The following FGD1 variants were observed in gnomAD, a reference collection of about 807,000 sequenced individuals.
FGD1 encodes the protein FYVE, RhoGEF and PH domain containing 1.
A neutral mutation model predicts 65.0 loss-of-function variants in FGD1; 12 were observed. The ratio of observed to expected loss-of-function variants is 0.18; its 90% CI spans 0.12 to 0.30. FGD1 has a LOEUF of 0.30. Among genes scored for constraint, FGD1 ranks in the 10% least tolerant of loss-of-function variants. The pLI is 1.00. For missense variants in FGD1, 542 were observed against 837.6 expected (o/e 0.65, Z 4.36); for synonymous variants, 333 against 343.9 (o/e 0.97, Z 0.35).
intron 1 of FGD1, among the ~76,000 whole-genome samples, chrX:54,472,778 C>T (rs1252023974): frequency 9.0e-6 from 1 of 110,958 alleles, no homozygotes; most frequent in Admixed American, 9.7e-5. Context: ...CACAAAAACC[C>T]CTTGCATAGG....
chrX:54,476,545 T>A (rs1186895419), intron 1 of FGD1, among the ~76,000 whole-genome samples: 1 of 108,788 alleles, frequency 9.2e-6, no homozygotes, highest in African/African-American at 3.4e-5. Flanking sequence ...AGAGATGGGG[T>A]CCTTCTTTGT....
chrX:54,447,480 A>T (rs373086405), intron 16 of FGD1, 26 bp from the exon 17 acceptor site: 21 of 1,201,764 alleles, frequency 1.7e-5, no homozygotes, highest in Non-Finnish European at 2.4e-5. Context: ...CCGGGCATCA[A>T]TGTTGACAGA....
chrX:54,467,941 C>G lies in FGD1; in HGVS notation c.1192-9G>C. On this transcript the variant is annotated splice_polypyrimidine_tract_variant and intron_variant, in intron 5 of 17. Transcript: ENST00000375135. The stretch of plus-strand genomic sequence containing the variant: ...AGCCGGGCACAGAACACCTGTGGGG[C>G]AGGGCAGAAGCACTCAGCCCAGCTG... 5 of 1,174,691 alleles carry G rather than the reference C, an allele frequency of 4.3e-6. No individual in the cohort carries two copies. The South Asian group carries it at 9.4e-5, about 22-fold the overall frequency.
chrX:54,452,006 C>A (rs1449594309), intron 12 of FGD1, among the ~76,000 whole-genome samples: 2 of 110,343 alleles, frequency 1.8e-5, no homozygotes, highest in Non-Finnish European at 3.8e-5. Flanking sequence ...GTGGCTCATA[C>A]CTGTCATCTC....
At chrX:54,447,977 C>T (rs1922275581) in intron 16 of FGD1, among the ~76,000 whole-genome samples, 1 of 111,311 alleles carries the variant, frequency 9.0e-6, no homozygotes, top group Admixed American at 9.6e-5. Context: ...GTTCCTGGCA[C>T]AGAGTAAGTA....
intron 5 of FGD1, 144 bp from the exon 6 acceptor site, chrX:54,468,076 G>C (rs1321325771): frequency 1.1e-5 from 6 of 530,405 alleles, no homozygotes; most frequent in Non-Finnish European, 1.9e-5. Flanking sequence ...TGGGGTTAGG[G>C]TTATATATTG....
intron 8 of FGD1, among the ~76,000 whole-genome samples, chrX:54,458,314 C>G (rs1451434613): frequency 9.1e-6 from 1 of 110,001 alleles, no homozygotes; most frequent in Non-Finnish European, 1.9e-5. Flanking sequence ...TTTAGGAGGC[C>G]GAGGGGGGCA....
At chrX:54,450,342 AG>A (rs969906759) in intron 12 of FGD1, 41 bp from the exon 13 acceptor site, 1 of 1,181,475 alleles carries the variant, frequency 8.5e-7, no homozygotes, top group African/African-American at 1.8e-5. Context: ...TTGGTTAGGT[AG>A]GCCCACAAAA....
intron 1 of FGD1, among the ~76,000 whole-genome samples, chrX:54,487,859 A>T (rs1923315019): frequency 1.8e-5 from 2 of 110,798 alleles, no homozygotes; most frequent in South Asian, 3.9e-4. Context: ...CTGAGACAGG[A>T]GAATCACTTG....
chrX:54,467,867 G>A lies in FGD1; in HGVS notation c.1257C>T (p.His419=), dbSNP rs899143881. ...TGGAGCAGATGTTAGAGAAGATGCC[G>A]TGGACAACGTCGGCCGGGAAGGAAC... The part of the protein sequence containing the change: ...NRSSFPADVV[H]GIFSNICSIY... The change falls in exon 6 of 18, where the codon CAC becomes CAT. Residue 419 remains histidine (H), a synonymous_variant. Transcript: ENST00000375135. 3.4e-6 allele frequency: 4 copies of A among 1,173,246 alleles called. No homozygotes were observed. The highest frequency in any genetic ancestry group is 5.0e-5 in the Admixed American group (2 of 39,699).
chrX:54,448,929 G>A lies in FGD1; in HGVS notation c.2313C>T (p.Leu771=), dbSNP rs1266595827. Residue 771 remains leucine, a synonymous_variant, in exon 16 of 18, where the codon CTC becomes CTT. Coordinates refer to ENST00000375135, the MANE Select transcript of FGD1 (RefSeq NM_004463.3). ...GGTTGGAGCGGTTGTTGTCATAGACGAGGCGGGCCCGGAACTCGGAGCACT... is the reference window on the plus strand; with the variant it reads ...GGTTGGAGCGGTTGTTGTCATAGACAAGGCGGGCCCGGAACTCGGAGCACT... ...CGKCSEFRAR[L]VYDNNRSNRV... is the part of the protein sequence containing the mutation. The A allele has an allele frequency of 1.1e-5, 13 of 1,211,054 alleles. No individual in the cohort carries two copies. The highest frequency in any genetic ancestry group is 1.5e-5 in the Non-Finnish European group (13 of 895,127).
intron 1 of FGD1, among the ~76,000 whole-genome samples, chrX:54,479,444 T>G (rs1328666299): frequency 9.0e-6 from 1 of 111,494 alleles, no homozygotes; most frequent in Non-Finnish European, 1.9e-5. Context: ...GGGCCCCAAT[T>G]TCCCCATTTG....
In FGD1 at chrX:54,465,455, G is replaced by A; in HGVS notation, c.1632C>T (p.Ala544=). ...LPHGSPDSKD[A]QKSLELIATA... is the part of the protein sequence containing the mutation. ...GGCCTGGGTGCACACACTCACTTTG[G>A]GCATCCTTGCTGTCCGGGGAGCCAT... The change falls in exon 8 of 18, where the codon GCC becomes GCT. Residue 544 remains alanine, a synonymous_variant. Coordinates refer to ENST00000375135, the MANE Select transcript of FGD1 (RefSeq NM_004463.3). The A allele has an allele frequency of 8.3e-7, 1 of 1,207,779 alleles. No homozygotes were observed. Among genetic ancestry groups the A allele is most frequent in the Admixed American group, 2.2e-5 (1 of 45,879 alleles).
chrX:54,474,403 G>A (rs1922970894), intron 1 of FGD1, among the ~76,000 whole-genome samples: 1 of 112,820 alleles, frequency 8.9e-6, no homozygotes, highest in Non-Finnish European at 1.9e-5. Context: ...CTAGGCCCCT[G>A]ACCTCACCCC....
At chrX:54,454,768 G>A (rs1922458799) in intron 12 of FGD1, among the ~76,000 whole-genome samples, 1 of 111,061 alleles carries the variant, frequency 9.0e-6, no homozygotes, top group Non-Finnish European at 1.9e-5. Flanking sequence ...CTGTATATGT[G>A]TATGTATGTA....
chrX:54,491,892 C>G (rs1347444160), intron 1 of FGD1, among the ~76,000 whole-genome samples: 1 of 109,893 alleles, frequency 9.1e-6, no homozygotes, highest in Non-Finnish European at 1.9e-5. Context: ...AAGAGTCAGC[C>G]CCTCCCCTTG....
chrX:54,464,127 CTTTTTTT>C (rs1195226924), intron 8 of FGD1, among the ~76,000 whole-genome samples: 1 of 50,565 alleles, frequency 2.0e-5, no homozygotes, highest in African/African-American at 9.8e-5. Flanking sequence ...ACGCCCAGCT[CTTTTTTT>C]TTTTTTTTTT....
At chrX:54,457,406 A>G (rs1244151830) in intron 8 of FGD1, among the ~76,000 whole-genome samples, 4 of 111,720 alleles carry the variant, frequency 3.6e-5, no homozygotes, top group Non-Finnish European at 5.6e-5. Flanking sequence ...TCATATTGGT[A>G]TTTACAACAG....
At chrX:54,454,268 C>T (rs912435189) in intron 12 of FGD1, among the ~76,000 whole-genome samples, 6 of 111,693 alleles carry the variant, frequency 5.4e-5, no homozygotes, top group African/African-American at 9.8e-5. Flanking sequence ...GGCTACAAAC[C>T]TGTAAAGCAT....
Sources: allele counts gnomAD v4.1 joint callset (sites outside exome capture counted in the v4.1 genomes callset), GRCh38; gene constraint gnomAD v4.1.1; transcripts MANE v1.5; gene names NCBI Gene and HGNC (gene_info 2026-07-23, HGNC 2026-07-21).